The following RUNX2 variants were observed in gnomAD, a reference collection of about 807,000 sequenced individuals.
RUNX2 encodes the protein RUNX family transcription factor 2.
Under a neutral mutation model 51.7 loss-of-function variants are expected in RUNX2, and 10 were observed. The ratio of observed to expected loss-of-function variants is 0.19; its 90% CI spans 0.12 to 0.33. The LOEUF is 0.33. Ranked by LOEUF, RUNX2 falls within the 10% of genes least tolerant of loss-of-function variation. RUNX2 has a pLI of 1.00. For missense variants in RUNX2, 562 were observed against 691.3 expected, an observed-to-expected ratio of 0.81 and a Z score of 2.10; for synonymous variants, 276 against 273.6, an observed-to-expected ratio of 1.01 and a Z score of -0.09.
intron 5 of RUNX2, among the ~76,000 whole-genome samples, chr6:45,481,062 TG>T (rs1433956560): frequency 2.0e-5 from 3 of 152,234 alleles, no homozygotes; most frequent in African/African-American, 7.2e-5. Context: ...ATCTGTGTAG[TG>T]TTTCTTTTTG....
At chr6:45,495,101 C>A (rs906708655) in intron 6 of RUNX2, among the ~76,000 whole-genome samples, 3 of 152,224 alleles carry the variant, frequency 2.0e-5, no homozygotes, top group African/African-American at 7.2e-5. Context: ...GAACCTTCAT[C>A]CAAAGGCAGT....
At chr6:45,525,370 C>A (rs554264048) in intron 7 of RUNX2, among the ~76,000 whole-genome samples, 86 of 152,268 alleles carry the variant, frequency 5.6e-4, no homozygotes, top group African/African-American at 1.7e-3. Context: ...TAAAATTGTG[C>A]TGAATTGATT....
chr6:45,525,816 G>A (rs907124727), intron 7 of RUNX2, among the ~76,000 whole-genome samples: 1 of 151,970 alleles, frequency 6.6e-6, no homozygotes, highest in African/African-American at 2.4e-5. Flanking sequence ...GCAACATGGC[G>A]AAACCCCGTC....
chr6:45,459,523 T>C (rs1367973658), intron 5 of RUNX2, among the ~76,000 whole-genome samples: 1 of 152,218 alleles, frequency 6.6e-6, no homozygotes, highest in East Asian at 1.9e-4. Context: ...CTATAATTAA[T>C]AAACAATTAG....
At position 45,443,122 on chromosome 6, in the gene RUNX2, C is replaced by T. The variant is rs1798890348; in HGVS notation, c.685+5071C>T. ...AGTACAGTGCCATGATCATAGCTAA[C>T]TCCAACCTCAAACTCCTGGGCTCAA... is the stretch of plus-strand genomic sequence containing the variant. On this transcript the variant is annotated intron_variant, in intron 5 of 8. Coordinates refer to ENST00000647337, the MANE Select transcript of RUNX2 (RefSeq NM_001024630.4). 2.1e-5 allele frequency among the ~76,000 whole-genome samples: 3 copies of T among 142,116 alleles called. No homozygotes were observed. The South Asian group carries it at 7.2e-4, about 34-fold the overall frequency. The allele number at this position is 142,116 out of a possible 152,430, so 93.2% of individuals were successfully genotyped here.
intron 5 of RUNX2, among the ~76,000 whole-genome samples, chr6:45,464,140 C>T (rs1004621325): frequency 3.9e-5 from 6 of 151,974 alleles, no homozygotes; most frequent in Non-Finnish European, 8.8e-5. Flanking sequence ...TTGCAGTGAG[C>T]CGAGATCACG....
rs141821081 is a variant in RUNX2, at chr6:45,498,194, C to G, written c.859+6080C>G. Reference sequence around the variant, plus strand: ...AGGTACTTTTATCATGGCTCAGCTTCCTCCCATTTCTGTACCTCACTTTCA... The same window carrying G: ...AGGTACTTTTATCATGGCTCAGCTTGCTCCCATTTCTGTACCTCACTTTCA... On this transcript the variant is annotated intron_variant, in intron 6 of 8. Transcript: ENST00000647337. Among the ~76,000 whole-genome samples, 220 of 152,282 alleles carry G rather than the reference C, an allele frequency of 1.4e-3. 1 individual carries two copies. The highest frequency in any genetic ancestry group is 4.6e-3 in the African/African-American group (191 of 41,564).
chr6:45,442,772 T>A (rs1436128284), intron 5 of RUNX2, among the ~76,000 whole-genome samples: 3 of 152,172 alleles, frequency 2.0e-5, no homozygotes, highest in Non-Finnish European at 4.4e-5. Context: ...GGGTCTATCA[T>A]GTAGCTGCAA....
intron 7 of RUNX2, among the ~76,000 whole-genome samples, chr6:45,516,819 T>A (rs970676303): frequency 6.6e-6 from 1 of 152,228 alleles, no homozygotes; most frequent in African/African-American, 2.4e-5. Context: ...CAAAATACTA[T>A]GTAAATAAAT....
intron 5 of RUNX2, among the ~76,000 whole-genome samples, chr6:45,485,875 C>T (rs1031025772): frequency 2.0e-5 from 3 of 151,458 alleles, no homozygotes; most frequent in African/African-American, 7.3e-5. Flanking sequence ...TTCCTCTTTC[C>T]CCTTAGTCAA....
chr6:45,368,838 T>C (rs1795576237), intron 2 of RUNX2, among the ~76,000 whole-genome samples: 1 of 152,120 alleles, frequency 6.6e-6, no homozygotes, highest in South Asian at 2.1e-4. Context: ...AATTAGAACA[T>C]TTTTATTTTC....
At chr6:45,375,667 C>T (rs1796677077) in intron 2 of RUNX2, among the ~76,000 whole-genome samples, 1 of 152,108 alleles carries the variant, frequency 6.6e-6, no homozygotes, top group Admixed American at 6.5e-5. Flanking sequence ...CCTCAGCCTC[C>T]CAAAGTGCTG....
At chr6:45,464,546 A>C (rs1020433839) in intron 5 of RUNX2, among the ~76,000 whole-genome samples, 1 of 152,170 alleles carries the variant, frequency 6.6e-6, no homozygotes, top group African/African-American at 2.4e-5. Context: ...GGGTTGCATG[A>C]GCTGCTTCAA....
chr6:45,338,479 T>C (rs1340796814), intron 2 of RUNX2, among the ~76,000 whole-genome samples: 1 of 152,100 alleles, frequency 6.6e-6, no homozygotes, highest in Non-Finnish European at 1.5e-5. Flanking sequence ...GTACTATATT[T>C]TGAATTAAGA....
intron 6 of RUNX2, among the ~76,000 whole-genome samples, chr6:45,501,023 A>G (rs544624656): frequency 6.6e-6 from 1 of 152,336 alleles, no homozygotes; most frequent in South Asian, 2.1e-4. Flanking sequence ...GTGTTCGTTC[A>G]GGTGGGAAGG....
chr6:45,550,607 C>A lies in RUNX2; in HGVS notation c.*3302C>A, dbSNP rs1166314324. On this transcript the variant is annotated 3_prime_UTR_variant, in exon 9 of 9. Transcript: ENST00000647337. Reference sequence around the variant, plus strand: ...CCTTGAATTTGTTGTTTTTAGAAAACGAATGCATTTAAAAATATTTTCTAT... The same window carrying A: ...CCTTGAATTTGTTGTTTTTAGAAAAAGAATGCATTTAAAAATATTTTCTAT... 6.6e-6 allele frequency: 1 copy of A among 152,536 alleles called. No homozygotes were observed. The highest frequency in any genetic ancestry group is 2.1e-4 in the South Asian group (1 of 4,834). 9.4% of individuals were successfully genotyped at this position (152,536 alleles called of 1,614,324 possible).
intron 2 of RUNX2, among the ~76,000 whole-genome samples, chr6:45,364,186 T>C (rs953586298): frequency 2.6e-5 from 4 of 152,158 alleles, no homozygotes; most frequent in African/African-American, 9.6e-5. Flanking sequence ...AAACAAATAT[T>C]CTTCAGGATC....
intron 7 of RUNX2, among the ~76,000 whole-genome samples, chr6:45,527,401 A>T (rs1482532896): frequency 6.6e-6 from 1 of 152,166 alleles, no homozygotes; most frequent in Non-Finnish European, 1.5e-5. Context: ...GAATTGTAAC[A>T]GGGGTAGGGA....
chr6:45,354,575 G>A (rs960475560), intron 2 of RUNX2, among the ~76,000 whole-genome samples: 1 of 151,922 alleles, frequency 6.6e-6, no homozygotes, highest in African/African-American at 2.4e-5. Context: ...GGGCTTCACT[G>A]CATTTAAGGC....
Sources: allele counts gnomAD v4.1 joint callset (sites outside exome capture counted in the v4.1 genomes callset), GRCh38; gene constraint gnomAD v4.1.1; transcripts MANE v1.5; gene names NCBI Gene and HGNC (gene_info 2026-07-23, HGNC 2026-07-21).